The following NME7 variants were observed in gnomAD, a reference collection of about 807,000 sequenced individuals.
The protein encoded by NME7 is NME/NM23 family member 7, also known as nucleoside diphosphate kinase 7.
A neutral mutation model predicts 49.1 loss-of-function variants in NME7; 41 were observed. The ratio of observed to expected loss-of-function variants is 0.83; its 90% CI spans 0.65 to 1.08. NME7 has a LOEUF of 1.08. Ranked by LOEUF, NME7 falls within the 50% of genes least tolerant of loss-of-function variation. The pLI is 0.00. For missense variants in NME7, 423 were observed against 463.4 expected (o/e 0.91, Z 0.80); for synonymous variants, 139 against 150.6 (o/e 0.92, Z 0.56).
intron 10 of NME7, among the ~76,000 whole-genome samples, chr1:169,179,386 G>A (rs1659860931): frequency 6.6e-6 from 1 of 152,172 alleles, no homozygotes; most frequent in South Asian, 2.1e-4. Flanking sequence ...CAACCATTGT[G>A]GAAGACAGTG....
chr1:169,352,318 G>A (rs1446165651), intron 1 of NME7, among the ~76,000 whole-genome samples: 1 of 151,932 alleles, frequency 6.6e-6, no homozygotes, highest in Non-Finnish European at 1.5e-5. Flanking sequence ...ACAGAATGTA[G>A]AACAGAAACC....
intron 3 of NME7, among the ~76,000 whole-genome samples, chr1:169,311,321 A>C (rs1651377238): frequency 6.7e-6 from 1 of 148,964 alleles, no homozygotes; most frequent in Non-Finnish European, 1.5e-5. Flanking sequence ...AAGGAGGTTG[A>C]GGCAGGAGAA....
intron 10 of NME7, among the ~76,000 whole-genome samples, chr1:169,229,057 T>C (rs1375545613): frequency 2.0e-5 from 3 of 152,236 alleles, no homozygotes; most frequent in Non-Finnish European, 2.9e-5. Flanking sequence ...TTTGACCTAG[T>C]TGCATCAAAG....
At chr1:169,166,305 A>G (rs1054699916) in intron 11 of NME7, among the ~76,000 whole-genome samples, 1 of 152,130 alleles carries the variant, frequency 6.6e-6, no homozygotes, top group Non-Finnish European at 1.5e-5. Context: ...TTTGGTTATT[A>G]AAAAATAAAG....
At chr1:169,177,478 T>G (rs1322737442) in intron 10 of NME7, among the ~76,000 whole-genome samples, 1 of 152,126 alleles carries the variant, frequency 6.6e-6, no homozygotes, top group Non-Finnish European at 1.5e-5. Flanking sequence ...TCTGATGCTT[T>G]CATTAAGAGA....
At chr1:169,272,784 G>A (rs77408992) in intron 7 of NME7, among the ~76,000 whole-genome samples, 1,817 of 133,150 alleles carry the variant, frequency 0.014, 243 homozygotes, top group African/African-American at 0.044. Context: ...ATAATAGAAC[G>A]ATTTACATTC....
intron 10 of NME7, among the ~76,000 whole-genome samples, chr1:169,221,619 A>G (rs1437531562): frequency 6.6e-6 from 1 of 151,990 alleles, no homozygotes; most frequent in East Asian, 1.9e-4. Context: ...ATATGGAAAT[A>G]TATTTGTATA....
chr1:169,224,962 A>G (rs1647262912), intron 10 of NME7, among the ~76,000 whole-genome samples: 1 of 152,194 alleles, frequency 6.6e-6, no homozygotes, highest in Non-Finnish European at 1.5e-5. Flanking sequence ...GGTGGGACCA[A>G]TATTTAATTC....
intron 11 of NME7, among the ~76,000 whole-genome samples, chr1:169,142,293 C>G (rs1363387189): frequency 6.6e-6 from 1 of 152,208 alleles, no homozygotes; most frequent in Non-Finnish European, 1.5e-5. Context: ...TGTATGCTCA[C>G]AGCCTTTGGG....
chr1:169,338,109 G>A (rs1294082549), intron 1 of NME7, among the ~76,000 whole-genome samples: 2 of 152,150 alleles, frequency 1.3e-5, no homozygotes, highest in African/African-American at 4.8e-5. Context: ...GAAAAGTTAG[G>A]TGAATCATTA....
At chr1:169,180,230 G>A (rs1659885818) in intron 10 of NME7, among the ~76,000 whole-genome samples, 1 of 152,086 alleles carries the variant, frequency 6.6e-6, no homozygotes, top group Non-Finnish European at 1.5e-5. Context: ...CCAAACTGGA[G>A]GCATTTAGTA....
intron 7 of NME7, among the ~76,000 whole-genome samples, chr1:169,278,306 C>T (rs908806446): frequency 3.3e-5 from 5 of 151,476 alleles, no homozygotes; most frequent in Non-Finnish European, 5.9e-5. Context: ...CCATTCTCCC[C>T]GTCACTTTCA....
intron 1 of NME7, among the ~76,000 whole-genome samples, chr1:169,354,364 T>C (rs1653300701): frequency 6.6e-6 from 1 of 151,632 alleles, no homozygotes; most frequent in South Asian, 2.1e-4. Flanking sequence ...AGATAGAGAG[T>C]AGAAGGCTGG....
chr1:169,171,785 A>G (rs193148623), intron 10 of NME7, among the ~76,000 whole-genome samples: 6 of 151,232 alleles, frequency 4.0e-5, no homozygotes, highest in Non-Finnish European at 5.9e-5. Flanking sequence ...CAACAACAAA[A>G]ATGGTTGGTA....
chr1:169,318,004 A>C (rs375676424), intron 3 of NME7, among the ~76,000 whole-genome samples: 3 of 152,136 alleles, frequency 2.0e-5, no homozygotes, highest in African/African-American at 7.2e-5. Context: ...TCCTGCTTTC[A>C]CATGTTAAGC....
intron 7 of NME7, chr1:169,247,109 T>C (rs1293296981): frequency 6.6e-6 from 3 of 455,826 alleles, no homozygotes; most frequent in South Asian, 3.1e-5. Context: ...AGAACAGCTA[T>C]ACCTTGGTTG....
chr1:169,287,403 C>T lies in NME7; in HGVS notation c.654G>A (p.Met218Ile), dbSNP rs1016651638. The T allele has an allele frequency of 1.3e-6, 2 of 1,588,216 alleles. No individual in the cohort carries two copies. Among genetic ancestry groups the T allele is most frequent in the African/African-American group, 1.4e-5 (1 of 73,910 alleles). The change falls in exon 7 of 12, where the codon ATG (methionine) becomes ATA (isoleucine). Residue 218 changes from methionine (M) to isoleucine (I), a missense_variant. By Grantham distance (10) the Met-to-Ile change is conservative. Coordinates refer to ENST00000367811, the MANE Select transcript of NME7 (RefSeq NM_013330.5). ...PDSFASAARE[M>I]ELFFPSSGGC... ...CTCCACTTGAAGGAAAAAACAACTC[C>T]ATTTCCTAAAGACAGAGAGAAATGA...
intron 10 of NME7, among the ~76,000 whole-genome samples, chr1:169,204,783 T>G (rs1660631538): frequency 6.6e-6 from 1 of 152,150 alleles, no homozygotes; most frequent in Non-Finnish European, 1.5e-5. Flanking sequence ...ATGCCTTGAC[T>G]ACCACTACAT....
Position 169,218,507 on chromosome 1 carries a change from G to T in NME7, c.990+12211C>A, listed in dbSNP as rs935838179. On this transcript the variant is annotated intron_variant, in intron 10 of 11. Transcript: ENST00000367811. Reference sequence around the variant, plus strand: ...ATGCTGAGATGGGAGGATTGCTTGAGATGGGGAGATTCAGGCTGCCACTGC... The same window carrying T: ...ATGCTGAGATGGGAGGATTGCTTGATATGGGGAGATTCAGGCTGCCACTGC... Among the ~76,000 whole-genome samples the T allele has an allele frequency of 4.6e-5, 7 of 152,192 alleles. No individual in the cohort carries two copies. The South Asian group carries it at 6.2e-4, about 14-fold the overall frequency.
Sources: gnomAD v4.1 joint callset for allele counts (sites outside exome capture counted in the v4.1 genomes callset) on GRCh38, gnomAD v4.1.1 for gene constraint, MANE v1.5 for transcripts, NCBI Gene and HGNC (gene_info 2026-07-23, HGNC 2026-07-21) for gene names.